The following WNT7A variants were observed in gnomAD, a reference collection of about 807,000 sequenced individuals.
The protein encoded by WNT7A is Wnt family member 7A.
A neutral mutation model predicts 28.2 loss-of-function variants in WNT7A; 16 were observed. That is an observed-to-expected ratio of 0.57 (90% CI 0.38 to 0.86). WNT7A has a LOEUF of 0.86. Ranked by LOEUF, WNT7A falls within the 40% of genes least tolerant of loss-of-function variation. The probability of loss-of-function intolerance (pLI) is 0.00; values close to 1 mark genes in which losing one functional copy is unlikely to be tolerated. For missense variants in WNT7A, 411 were observed against 489.7 expected, an observed-to-expected ratio of 0.84 and a Z score of 1.52; for synonymous variants, 190 against 195.9, an observed-to-expected ratio of 0.97 and a Z score of 0.25.
chr3:13,872,170 G>A (rs1695036275), intron 2 of WNT7A, among the ~76,000 whole-genome samples: 1 of 152,114 alleles, frequency 6.6e-6, no homozygotes, highest in Non-Finnish European at 1.5e-5. Flanking sequence ...GTGAATGCAT[G>A]AATAAATCAA....
At chr3:13,842,502 T>A (rs552665265) in intron 3 of WNT7A, among the ~76,000 whole-genome samples, 15 of 152,172 alleles carry the variant, frequency 9.9e-5, no homozygotes, top group Non-Finnish European at 1.6e-4. Flanking sequence ...AGGGGACTGT[T>A]GTGTCACTGT....
intron 2 of WNT7A, among the ~76,000 whole-genome samples, chr3:13,858,076 G>A (rs1276359295): frequency 6.6e-6 from 1 of 152,192 alleles, no homozygotes; most frequent in African/African-American, 2.4e-5. Flanking sequence ...CTTTTGGCTT[G>A]CCTGGGACAC....
In WNT7A at chr3:13,858,765, G is replaced by T. The variant is rs73814726; in HGVS notation, c.299-3962C>A. Among the ~76,000 whole-genome samples the T allele has an allele frequency of 2.8e-3, 433 of 152,264 alleles. 2 individuals carry two copies. The highest frequency in any genetic ancestry group is 9.9e-3 in the African/African-American group (410 of 41,546). On this transcript the variant is annotated intron_variant, in intron 2 of 3. Transcript: ENST00000285018. ...AGAGCTCTCAGGGACCCAGGTACTGGCTGGTAAAGTCCAGTCCTTCTGGAT... is the reference window on the plus strand; with the variant it reads ...AGAGCTCTCAGGGACCCAGGTACTGTCTGGTAAAGTCCAGTCCTTCTGGAT...
At chr3:13,854,007 A>G (rs1317581326) in intron 3 of WNT7A, among the ~76,000 whole-genome samples, 1 of 152,146 alleles carries the variant, frequency 6.6e-6, no homozygotes, top group Non-Finnish European at 1.5e-5. Flanking sequence ...GCTCCCAGCC[A>G]TGAGACTAGA....
At chr3:13,829,831 T>C (rs755901822) in intron 3 of WNT7A, among the ~76,000 whole-genome samples, 3 of 152,118 alleles carry the variant, frequency 2.0e-5, no homozygotes, top group African/African-American at 7.2e-5. Flanking sequence ...TGAGAGGAAG[T>C]GACCATTTCC....
At chr3:13,848,296 A>C (rs891688842) in intron 3 of WNT7A, among the ~76,000 whole-genome samples, 68 of 152,246 alleles carry the variant, frequency 4.5e-4, no homozygotes, top group Admixed American at 4.4e-3. Context: ...GACAAGCTAC[A>C]GTCTGGGAAA....
intron 1 of WNT7A, chr3:13,875,861 C>T (rs1358493750): frequency 1.3e-5 from 2 of 154,036 alleles, no homozygotes; most frequent in Non-Finnish European, 2.9e-5. Flanking sequence ...TCTTCCTCAA[C>T]TATTCACTGA....
Position 13,854,628 on chromosome 3 carries a change from G to A in WNT7A, c.474C>T (p.Tyr158=), listed in dbSNP as rs767445224. ...KWGGCSADIR[Y]GIGFAKVFVD... is the part of the protein sequence containing the mutation. ...CAAAGACCTTGGCGAAGCCGATGCC[G>A]TAGCGGATGTCGGCAGAGCAGCCAC... Residue 158 remains tyrosine, a synonymous_variant, in exon 3 of 4, where the codon TAC becomes TAT. Coordinates refer to ENST00000285018, the MANE Select transcript of WNT7A (RefSeq NM_004625.4). 5.7e-5 allele frequency: 92 copies of A among 1,614,074 alleles called. No individual in the cohort carries two copies. Among genetic ancestry groups the A allele is most frequent in the African/African-American group, 1.7e-4 (13 of 74,942 alleles).
intron 3 of WNT7A, among the ~76,000 whole-genome samples, chr3:13,836,493 A>T (rs930296661): frequency 6.6e-6 from 1 of 152,202 alleles, no homozygotes; most frequent in African/African-American, 2.4e-5. Flanking sequence ...TGCTATTTTA[A>T]AAAGCTTCTC....
At chr3:13,838,204 G>A (rs1416954123) in intron 3 of WNT7A, among the ~76,000 whole-genome samples, 1 of 152,214 alleles carries the variant, frequency 6.6e-6, no homozygotes, top group African/African-American at 2.4e-5. Context: ...GAGCTACAAG[G>A]AGCTGCTGCA....
At position 13,875,160 on chromosome 3, in the gene WNT7A, C is replaced by G; in HGVS notation, c.85G>C (p.Val29Leu). 6.2e-7 allele frequency: 1 copy of G among 1,614,088 alleles called. No homozygotes were observed. Among genetic ancestry groups the G allele is most frequent in the Non-Finnish European group, 8.5e-7 (1 of 1,180,040 alleles). Reference sequence around the variant, plus strand: ...ATGATGCTTGCGCCCAGAGCTACCACTGAGGAGAAGCCACTGGAGGGAGAG... The same window carrying G: ...ATGATGCTTGCGCCCAGAGCTACCAGTGAGGAGAAGCCACTGGAGGGAGAG... The part of the protein sequence containing the change: ...VYLRIGGFSS[V>L]VALGASIICN... The change falls in exon 2 of 4, where the codon GTG becomes CTG. Residue 29 changes from valine (V) to leucine (L), a missense_variant. By Grantham distance (32) the Val-to-Leu change is conservative. Transcript: ENST00000285018.
intron 2 of WNT7A, among the ~76,000 whole-genome samples, chr3:13,872,832 G>A (rs1695046303): frequency 6.6e-6 from 1 of 152,134 alleles, no homozygotes; most frequent in South Asian, 2.1e-4. Context: ...TATACTGACT[G>A]TTCTGAGACT....
At position 13,875,100 on chromosome 3, in the gene WNT7A, G is replaced by A. The variant is rs1290597204; in HGVS notation, c.145C>T (p.Arg49Trp). ...NKIPGLAPRQ[R>W]AICQSRPDAI... ...TCGGGCCGGCTCTGGCAGATCGCCC[G>A]CTGTCTGGGAGCCAGGCCTGGGATC... The change falls in exon 2 of 4, where the codon CGG becomes TGG. Residue 49 changes from arginine to tryptophan, a missense_variant. Arg to Trp is a moderately radical substitution (Grantham distance 101). Coordinates refer to ENST00000285018, the MANE Select transcript of WNT7A (RefSeq NM_004625.4). 8.1e-6 allele frequency: 13 copies of A among 1,614,074 alleles called. No homozygotes were observed. The highest frequency in any genetic ancestry group is 1.3e-5 in the African/African-American group (1 of 74,930).
chr3:13,876,604 T>C (rs1034223560), intron 1 of WNT7A, among the ~76,000 whole-genome samples: 4 of 152,044 alleles, frequency 2.6e-5, no homozygotes, highest in Non-Finnish European at 4.4e-5. Flanking sequence ...AGAGTGAGGT[T>C]CTCCTGTACC....
intron 3 of WNT7A, among the ~76,000 whole-genome samples, chr3:13,843,298 C>G (rs931815034): frequency 1.3e-5 from 2 of 152,190 alleles, no homozygotes; most frequent in African/African-American, 4.8e-5. Flanking sequence ...AAGCACTCAT[C>G]ATGCCTGAGA....
intron 3 of WNT7A, among the ~76,000 whole-genome samples, chr3:13,831,153 C>G (rs1694275154): frequency 6.6e-6 from 1 of 152,182 alleles, no homozygotes; most frequent in Non-Finnish European, 1.5e-5. Flanking sequence ...GCCTCAAGCC[C>G]AAGCTGCTCA....
chr3:13,831,112 G>C (rs560315950), intron 3 of WNT7A, among the ~76,000 whole-genome samples: 1 of 152,282 alleles, frequency 6.6e-6, no homozygotes, highest in East Asian at 1.9e-4. Context: ...ATCAGAGTGA[G>C]GACAATTTCT....
At chr3:13,865,019 T>G (rs1015395297) in intron 2 of WNT7A, among the ~76,000 whole-genome samples, 3 of 152,158 alleles carry the variant, frequency 2.0e-5, no homozygotes, top group Admixed American at 6.5e-5. Context: ...TGGATATACT[T>G]TTTGGTAGAT....
chr3:13,833,808 C>G (rs1175267714), intron 3 of WNT7A, among the ~76,000 whole-genome samples: 1 of 152,250 alleles, frequency 6.6e-6, no homozygotes, highest in Non-Finnish European at 1.5e-5. Context: ...ACTGCTGGAG[C>G]ACCCTGAAAT....
Sources: gnomAD v4.1 joint callset for allele counts (sites outside exome capture counted in the v4.1 genomes callset) on GRCh38, gnomAD v4.1.1 for gene constraint, MANE v1.5 for transcripts, NCBI Gene and HGNC (gene_info 2026-07-23, HGNC 2026-07-21) for gene names.